The following USP48 variants were observed in gnomAD, a reference collection of about 807,000 sequenced individuals.
The protein encoded by USP48 is ubiquitin carboxyl-terminal hydrolase 48.
In USP48, 43 loss-of-function variants were observed where a neutral mutation model predicts 150.7. The observed-to-expected ratio is 0.29, with a 90% CI of 0.22 to 0.37. The LOEUF (loss-of-function observed/expected upper bound fraction) is 0.37, where lower values mean the gene tolerates loss of function less well. USP48 is among the 10% of genes least tolerant of loss of function. The pLI, the probability that USP48 is intolerant of heterozygous loss-of-function variation, is 1.00. For synonymous variants in USP48, 396 were observed against 425.9 expected, an observed-to-expected ratio of 0.93 and a Z score of 0.86; for missense variants, 813 against 1,249.6, an observed-to-expected ratio of 0.65 and a Z score of 5.27.
chr1:21,739,996 C>G (rs1362707329), intron 8 of USP48, among the ~76,000 whole-genome samples: 1 of 152,268 alleles, frequency 6.6e-6, no homozygotes, highest in Non-Finnish European at 1.5e-5. Flanking sequence ...ACTGCAACCT[C>G]CACCTCCCAG....
At chr1:21,741,879 T>C (rs1268014405) in intron 8 of USP48, among the ~76,000 whole-genome samples, 1 of 151,760 alleles carries the variant, frequency 6.6e-6, no homozygotes, top group African/African-American at 2.4e-5. Flanking sequence ...GAGGCTGAGG[T>C]GGGAGGATTG....
At chr1:21,697,579 C>T (rs541720392) in intron 22 of USP48, among the ~76,000 whole-genome samples, 5 of 150,760 alleles carry the variant, frequency 3.3e-5, no homozygotes, top group Admixed American at 6.6e-5. Context: ...AGGAGAATGG[C>T]GTGAACCCGG....
chr1:21,738,000 C>A (rs2097772299), intron 8 of USP48, among the ~76,000 whole-genome samples: 1 of 151,986 alleles, frequency 6.6e-6, no homozygotes, highest in Non-Finnish European at 1.5e-5. Context: ...TGGGCTTAAA[C>A]AATCCTCCCA....
chr1:21,727,724 G>T, intron 11 of USP48: 3 of 284,382 alleles, frequency 1.1e-5, no homozygotes, highest in Non-Finnish European at 1.6e-5. Context: ...ACAAAGAAGG[G>T]TCAGAATTGA....
At chr1:21,738,009 C>T (rs1369158920) in intron 8 of USP48, among the ~76,000 whole-genome samples, 2 of 152,086 alleles carry the variant, frequency 1.3e-5, no homozygotes, top group Non-Finnish European at 2.9e-5. Context: ...ACAATCCTCC[C>T]ACCTCAACCT....
Position 21,679,259 on chromosome 1 carries a change from A to G in USP48, c.*158T>C, listed in dbSNP as rs937474730. 1.8e-5 allele frequency: 16 copies of G among 881,346 alleles called. No individual in the cohort carries two copies. Among genetic ancestry groups the G allele is most frequent in the Non-Finnish European group, 3.0e-5 (16 of 538,346 alleles). 54.6% of individuals were successfully genotyped at this position (881,346 alleles called of 1,614,324 possible). A position where few individuals can be genotyped will look rare whatever the true frequency, so the allele number is the denominator to read the frequency against. ...ATCAGTGCAATCTGCTTTATTTGAC[A>G]TAAGGCATTTGGGACAGTCACGTTT... On this transcript the variant is annotated 3_prime_UTR_variant, in exon 27 of 27. Coordinates refer to ENST00000308271, the MANE Select transcript of USP48 (RefSeq NM_032236.8).
chr1:21,722,356 T>C (rs915421859), intron 12 of USP48, among the ~76,000 whole-genome samples: 7 of 148,782 alleles, frequency 4.7e-5, no homozygotes, highest in African/African-American at 1.7e-4. Context: ...CTGGGCAACA[T>C]AGTGAGACCC....
chr1:21,688,059 C>T (rs537127230), intron 24 of USP48, among the ~76,000 whole-genome samples: 87 of 152,158 alleles, frequency 5.7e-4, no homozygotes, highest in Non-Finnish European at 1.0e-3. Context: ...TTTCACAGTT[C>T]AAAATAAAAA....
At chr1:21,708,276 A>T (rs2097678916) in intron 15 of USP48, among the ~76,000 whole-genome samples, 1 of 151,018 alleles carries the variant, frequency 6.6e-6, no homozygotes, top group African/African-American at 2.4e-5. Context: ...TGAGGGGAGC[A>T]GATCACGAGG....
At chr1:21,720,630 C>A (rs184472333) in intron 14 of USP48, among the ~76,000 whole-genome samples, 3 of 151,908 alleles carry the variant, frequency 2.0e-5, no homozygotes, top group Admixed American at 1.3e-4. Context: ...TGGGTTCAAT[C>A]GATTCTACTG....
intron 23 of USP48, among the ~76,000 whole-genome samples, chr1:21,694,588 A>AAAAC (rs1165467304): frequency 7.6e-6 from 1 of 130,844 alleles, no homozygotes; most frequent in Non-Finnish European, 1.7e-5. Context: ...AAAAAAAAAA[A>AAAAC]AAAAAAAAAA....
intron 1 of USP48, among the ~76,000 whole-genome samples, chr1:21,760,784 C>T (rs985399150): frequency 1.5e-4 from 23 of 148,406 alleles, no homozygotes; most frequent in African/African-American, 5.0e-4. Flanking sequence ...TGATATATAA[C>T]GATATCATTA....
chr1:21,716,721 G>GT (rs2097705362), intron 14 of USP48, among the ~76,000 whole-genome samples: 1 of 152,182 alleles, frequency 6.6e-6, no homozygotes, highest in South Asian at 2.1e-4. Flanking sequence ...GAATCCTTAA[G>GT]TATGATTAAA....
intron 18 of USP48, 79 bp downstream of exon 18, chr1:21,706,047 G>T: frequency 6.8e-7 from 1 of 1,460,186 alleles, no homozygotes; most frequent in Non-Finnish European, 9.5e-7. Context: ...ACAACAAACA[G>T]AATCCACGAT....
Position 21,744,428 on chromosome 1 carries a change from C to G in USP48, c.991+2639G>C, listed in dbSNP as rs1411408780. ...CACCACTGCACTCCAGCCTGGGCGA[C>G]GCAAAATTCTGTCTCAAAAAAAAAA... On this transcript the variant is annotated intron_variant, in intron 8 of 26. Transcript: ENST00000308271. Among the ~76,000 whole-genome samples the G allele has an allele frequency of 3.4e-5, 5 of 146,702 alleles. No homozygotes were observed. The Admixed American group carries it at 3.4e-4, about 10-fold the overall frequency.
intron 1 of USP48, among the ~76,000 whole-genome samples, chr1:21,778,208 A>C (rs2097904939): frequency 6.6e-6 from 1 of 152,058 alleles, no homozygotes; most frequent in Non-Finnish European, 1.5e-5. Flanking sequence ...AAGGCAACTC[A>C]ATTTAAAAGC....
At chr1:21,757,011 G>A (rs186997082) in intron 2 of USP48, 46 of 984,504 alleles carry the variant, frequency 4.7e-5, no homozygotes, top group East Asian at 1.1e-4. Flanking sequence ...TTGAACAAGC[G>A]TATATAGGTT....
At chr1:21,775,250 G>C (rs2097894775) in intron 1 of USP48, among the ~76,000 whole-genome samples, 1 of 151,614 alleles carries the variant, frequency 6.6e-6, no homozygotes, top group African/African-American at 2.4e-5. Context: ...CCTCGTTAGG[G>C]TTATTTTGTT....
At position 21,721,128 on chromosome 1, in the gene USP48, C is replaced by T; in HGVS notation, c.1802G>A (p.Ser601Asn). 1 of 1,614,266 alleles carries T rather than the reference C, an allele frequency of 6.2e-7. No individual in the cohort carries two copies. Among genetic ancestry groups the T allele is most frequent in the Non-Finnish European group, 8.5e-7 (1 of 1,180,038 alleles). Residue 601 changes from serine (S) to asparagine (N), a missense_variant, in exon 14 of 27, where the codon AGT (serine) becomes AAT (asparagine). Physicochemically the swap from Ser to Asn is conservative, Grantham distance 46. Transcript: ENST00000308271. ...GFWVGKSSLR[S>N]WRQLALEQLD... ...CTGTTCAAGAGCTAGCTGGCGCCAA[C>T]TCCGCAAGGAGGACTTCCCCACCCA... is the stretch of plus-strand genomic sequence containing the variant.
Sources: gnomAD v4.1 joint callset for allele counts (sites outside exome capture counted in the v4.1 genomes callset) on GRCh38, gnomAD v4.1.1 for gene constraint, MANE v1.5 for transcripts, NCBI Gene and HGNC (gene_info 2026-07-23, HGNC 2026-07-21) for gene names.